Variants in ISM1 observed in about 807,000 individuals in gnomAD.
ISM1 encodes the protein isthmin 1.
ISM1 carries 25 observed loss-of-function variants against 46.3 expected under a neutral mutation model. The ratio of observed to expected loss-of-function variants is 0.54; its 90% CI spans 0.39 to 0.75. The LOEUF is 0.75. ISM1 is among the 30% of genes least tolerant of loss of function. The pLI is 0.00. For synonymous variants in ISM1, 255 were observed against 256.7 expected (o/e 0.99, Z 0.06); for missense variants, 536 against 625.4 (o/e 0.86, Z 1.52).
the ISM1 span, among the ~76,000 whole-genome samples, chr20:13,316,522 C>T: frequency 6.6e-6 from 1 of 151,842 alleles, no homozygotes; most frequent in African/African-American, 2.4e-5. Flanking sequence ...CATGAATATT[C>T]GTGCAAAAAT....
At chr20:13,273,964 C>G (rs138300723) in intron 2 of ISM1, among the ~76,000 whole-genome samples, 4 of 152,020 alleles carry the variant, frequency 2.6e-5, no homozygotes, top group Admixed American at 2.0e-4. Flanking sequence ...TGTGGAAGAC[C>G]ACAAAATGTT....
At chr20:13,304,679 G>T (rs73082235), downstream of ISM1, among the ~76,000 whole-genome samples, 2 of 151,988 alleles carry the variant, frequency 1.3e-5, no homozygotes, top group Non-Finnish European at 2.9e-5. Flanking sequence ...GGTGATCTTG[G>T]GGGAATCAGT....
the ISM1 span, among the ~76,000 whole-genome samples, chr20:13,322,428 G>A: frequency 6.6e-6 from 1 of 152,130 alleles, no homozygotes; most frequent in African/African-American, 2.4e-5. Flanking sequence ...CTGCCAACTC[G>A]CTTGCTTCAT....
chr20:13,265,255 G>A lies in ISM1; in HGVS notation c.139-5249G>A, dbSNP rs1217484864. Among the ~76,000 whole-genome samples, 8 of 152,186 alleles carry A rather than the reference G, an allele frequency of 5.3e-5. No homozygotes were observed. The East Asian group carries it at 1.2e-3, about 22-fold the overall frequency. ...TCTTAACCTGATGCATCTGCTGTAC[G>A]TTTACAAGCCTTTTTTATTTCAGTT... On this transcript the variant is annotated intron_variant, in intron 1 of 5. Transcript: ENST00000262487.
the ISM1 span, among the ~76,000 whole-genome samples, chr20:13,310,760 G>C: frequency 6.6e-6 from 1 of 152,180 alleles, no homozygotes; most frequent in Non-Finnish European, 1.5e-5. Context: ...CAAAGGACCT[G>C]AATAGACATT....
intron 3 of ISM1, among the ~76,000 whole-genome samples, chr20:13,286,080 C>A (rs976860270): frequency 6.6e-6 from 1 of 152,162 alleles, no homozygotes; most frequent in Non-Finnish European, 1.5e-5. Flanking sequence ...CTTACTCATT[C>A]CCCCTTTTTA....
chr20:13,238,703 A>G (rs2039681497), intron 1 of ISM1, among the ~76,000 whole-genome samples: 1 of 152,194 alleles, frequency 6.6e-6, no homozygotes, highest in Non-Finnish European at 1.5e-5. Flanking sequence ...CTTCACATGG[A>G]GTCTGACCCA....
intron 2 of ISM1, among the ~76,000 whole-genome samples, chr20:13,275,902 G>A (rs17812257): frequency 0.051 from 7,698 of 152,218 alleles, 261 homozygotes; most frequent in Admixed American, 0.085. Context: ...GCCAGTTTCC[G>A]TCCCTGAAAA....
chr20:13,263,509 T>G (rs117389150), intron 1 of ISM1, among the ~76,000 whole-genome samples: 1,556 of 152,334 alleles, frequency 0.01, 14 homozygotes, highest in Middle Eastern at 0.031. Flanking sequence ...TTAAAGATAA[T>G]CAGTGTGCCA....
chr20:13,272,573 A>G (rs2040128257), intron 2 of ISM1, among the ~76,000 whole-genome samples: 1 of 152,200 alleles, frequency 6.6e-6, no homozygotes, highest in Non-Finnish European at 1.5e-5. Context: ...GATGGCACAG[A>G]GTGACAAATA....
chr20:13,269,148 A>C (rs1163799648), intron 1 of ISM1, among the ~76,000 whole-genome samples: 2 of 152,166 alleles, frequency 1.3e-5, no homozygotes, highest in Non-Finnish European at 2.9e-5. Context: ...CCCAAACCCC[A>C]AAACATGCCC....
chr20:13,309,315 A>T, the ISM1 span, among the ~76,000 whole-genome samples: 32 of 152,066 alleles, frequency 2.1e-4, no homozygotes, highest in African/African-American at 7.5e-4. Flanking sequence ...AGAATAAAGG[A>T]CAAAACATTT....
intron 1 of ISM1, among the ~76,000 whole-genome samples, chr20:13,254,437 A>G (rs1231741227): frequency 6.6e-6 from 1 of 151,838 alleles, no homozygotes; most frequent in Non-Finnish European, 1.5e-5. Flanking sequence ...TCAGAATTGA[A>G]TTCAAGAGAG....
chr20:13,286,225 G>A (rs1194265457), intron 3 of ISM1, among the ~76,000 whole-genome samples: 1 of 152,032 alleles, frequency 6.6e-6, no homozygotes, highest in East Asian at 1.9e-4. Flanking sequence ...GCTGCACCTG[G>A]ATGCTTCTCT....
intron 1 of ISM1, among the ~76,000 whole-genome samples, chr20:13,229,454 C>T (rs75199372): frequency 0.019 from 2,869 of 152,306 alleles, 37 homozygotes; most frequent in Non-Finnish European, 0.022. Flanking sequence ...TGGCTTCTCT[C>T]ATTAAACTAA....
At chr20:13,282,953 G>C (rs1042673503) in intron 3 of ISM1, among the ~76,000 whole-genome samples, 4 of 152,190 alleles carry the variant, frequency 2.6e-5, no homozygotes, top group Non-Finnish European at 5.9e-5. Flanking sequence ...TGCTTCCCAG[G>C]ATAGCCCACA....
chr20:13,301,324 G>C (rs1161662193), downstream of ISM1, among the ~76,000 whole-genome samples: 2 of 152,096 alleles, frequency 1.3e-5, no homozygotes, highest in African/African-American at 4.8e-5. Context: ...GAGTAGCTGG[G>C]ATTACAGGCA....
At chr20:13,233,560 A>G (rs2039614086) in intron 1 of ISM1, among the ~76,000 whole-genome samples, 1 of 148,482 alleles carries the variant, frequency 6.7e-6, no homozygotes, top group Non-Finnish European at 1.5e-5. Context: ...GTGCTATTGC[A>G]TTCCTGCCTG....
chr20:13,318,929 A>T, the ISM1 span, among the ~76,000 whole-genome samples: 6 of 152,328 alleles, frequency 3.9e-5, no homozygotes, highest in African/African-American at 1.4e-4. Flanking sequence ...AAACTATGCT[A>T]TGTGTTACTA....
Sources: allele counts gnomAD v4.1 joint callset (sites outside exome capture counted in the v4.1 genomes callset), GRCh38; gene constraint gnomAD v4.1.1; transcripts MANE v1.5; gene names NCBI Gene and HGNC (gene_info 2026-07-23, HGNC 2026-07-21).